The following FAM227B variants were observed in gnomAD, a reference collection of about 807,000 sequenced individuals.
The protein encoded by FAM227B is protein FAM227B.
FAM227B carries 88 observed loss-of-function variants against 73.8 expected under a neutral mutation model. The observed-to-expected ratio is 1.19, with a 90% CI of 1.00 to 1.42. FAM227B has a LOEUF of 1.42. Ranked by LOEUF, FAM227B falls within the 40% of genes most tolerant of loss-of-function variation. FAM227B has a pLI of 0.00. For synonymous variants in FAM227B, 210 were observed against 190.5 expected, an observed-to-expected ratio of 1.10 and a Z score of -0.84; for missense variants, 632 against 590.9, an observed-to-expected ratio of 1.07 and a Z score of -0.72.
chr15:49,500,775 G>A (rs2058071824), intron 11 of FAM227B, among the ~76,000 whole-genome samples: 1 of 152,170 alleles, frequency 6.6e-6, no homozygotes, highest in African/African-American at 2.4e-5. Context: ...GGGGCCTGGT[G>A]GGAGGTGGCT....
chr15:49,453,211 TTAATC>T (rs1451190969), intron 11 of FAM227B, among the ~76,000 whole-genome samples: 1 of 152,044 alleles, frequency 6.6e-6, no homozygotes, highest in East Asian at 1.9e-4. Context: ...TATGTTCTGT[TTAATC>T]TAATACGTCA....
At chr15:49,618,548 T>G (rs1403668852) in intron 1 of FAM227B, among the ~76,000 whole-genome samples, 1 of 152,218 alleles carries the variant, frequency 6.6e-6, no homozygotes, top group African/African-American at 2.4e-5. Flanking sequence ...TGAATGACAT[T>G]TACCTAGACA....
chr15:49,457,375 A>G (rs1321225328), intron 11 of FAM227B, among the ~76,000 whole-genome samples: 1 of 152,030 alleles, frequency 6.6e-6, no homozygotes, highest in Non-Finnish European at 1.5e-5. Flanking sequence ...GGGTTATGAG[A>G]GATAACTTTT....
chr15:49,351,183 A>G (rs928087063), intron 13 of FAM227B, among the ~76,000 whole-genome samples: 2 of 152,230 alleles, frequency 1.3e-5, no homozygotes, highest in African/African-American at 4.8e-5. Context: ...AGAACTGCAT[A>G]GGCACAGTGT....
intron 5 of FAM227B, among the ~76,000 whole-genome samples, chr15:49,584,719 C>G (rs576852886): frequency 6.6e-6 from 1 of 152,254 alleles, no homozygotes; most frequent in Non-Finnish European, 1.5e-5. Flanking sequence ...CAACAACACT[C>G]AAGCCAAGAG....
At chr15:49,422,773 A>T (rs1171019876) in intron 11 of FAM227B, 3 of 1,319,882 alleles carry the variant, frequency 2.3e-6, no homozygotes, top group East Asian at 5.0e-5. Context: ...TTGTCTCTGT[A>T]TGATGTGATA....
intron 12 of FAM227B, among the ~76,000 whole-genome samples, chr15:49,370,105 A>T (rs1349717266): frequency 1.3e-5 from 2 of 152,156 alleles, no homozygotes; most frequent in Non-Finnish European, 2.9e-5. Context: ...TTGATCTTGG[A>T]TTTCCCATAC....
At chr15:49,366,928 T>TA (rs1055132579) in intron 13 of FAM227B, among the ~76,000 whole-genome samples, 59 of 152,310 alleles carry the variant, frequency 3.9e-4, no homozygotes, top group African/African-American at 1.4e-3. Flanking sequence ...GATAGGACTG[T>TA]AAAAAACAGA....
At chr15:49,580,165 T>C (rs769553025) in intron 5 of FAM227B, among the ~76,000 whole-genome samples, 1 of 152,244 alleles carries the variant, frequency 6.6e-6, no homozygotes, top group Non-Finnish European at 1.5e-5. Context: ...TTAAAACTTT[T>C]GTTAGTATAA....
At chr15:49,339,344 T>C (rs1005129538) in intron 13 of FAM227B, among the ~76,000 whole-genome samples, 2 of 152,224 alleles carry the variant, frequency 1.3e-5, no homozygotes, top group Non-Finnish European at 2.9e-5. Flanking sequence ...TTGATGTTGA[T>C]ATTATTCCTT....
intron 9 of FAM227B, among the ~76,000 whole-genome samples, chr15:49,550,233 C>T (rs1375956695): frequency 4.4e-4 from 62 of 141,810 alleles, no homozygotes; most frequent in Non-Finnish European, 7.9e-4. Context: ...CCCTCCCTGA[C>T]GGGGCGGCTG....
rs1486651304 is a variant in FAM227B at position 49,367,762 on chromosome 15, A to G, written c.1111-154T>C. The G allele has an allele frequency of 1.0e-5, 7 of 683,020 alleles. No individual in the cohort carries two copies. In the African/African-American group the frequency reaches 1.3e-4, roughly 13 times the overall value. The allele number at this position is 683,020 out of a possible 1,614,324, so 42.3% of individuals were successfully genotyped here. A position where few individuals can be genotyped will look rare whatever the true frequency, so the allele number is the denominator to read the frequency against. ...AGCATCTTCTTAATTAGAGGAATTT[A>G]CCAAAGTATGAGTCTATAAGTACAT... On this transcript the variant is annotated intron_variant, in intron 12 of 15. Transcript: ENST00000299338.
chr15:49,572,733 C>T (rs1380767815), intron 8 of FAM227B, among the ~76,000 whole-genome samples: 2 of 152,078 alleles, frequency 1.3e-5, no homozygotes, highest in African/African-American at 2.4e-5. Context: ...TGGGAATAGG[C>T]ATTCCTCTTC....
chr15:49,425,078 T>C (rs1316345413), intron 11 of FAM227B: 1 of 152,192 alleles, frequency 6.6e-6, no homozygotes, highest in Non-Finnish European at 1.5e-5. Context: ...TCCTTTGCAA[T>C]TGTGTATAAT....
intron 10 of FAM227B, 134 bp from the exon 11 acceptor site, chr15:49,508,482 G>A: frequency 1.5e-6 from 1 of 660,054 alleles, no homozygotes; most frequent in Non-Finnish European, 2.4e-6. Context: ...TTCCTTTTAA[G>A]CTGCGTAGGA....
At chr15:49,386,016 C>T (rs1466302878) in intron 11 of FAM227B, among the ~76,000 whole-genome samples, 3 of 151,764 alleles carry the variant, frequency 2.0e-5, no homozygotes, top group African/African-American at 7.3e-5. Context: ...CACTATTAGA[C>T]CTAAGAAATG....
chr15:49,336,318 C>T (rs571322140), intron 13 of FAM227B, among the ~76,000 whole-genome samples: 1 of 152,242 alleles, frequency 6.6e-6, no homozygotes, highest in Non-Finnish European at 1.5e-5. Context: ...TATGTCCTAA[C>T]CTTGGCCTTA....
rs570121778 is a variant in FAM227B, at chr15:49,468,692, A to C, written c.1012+39519T>G. On this transcript the variant is annotated intron_variant, in intron 11 of 15. Transcript: ENST00000299338. ...GCCCCTTCAAAGTGAAAGTCAATAA[A>C]GAAATGTGGAGAAAGTGAACTCAAT... Among the ~76,000 whole-genome samples the C allele has an allele frequency of 8.8e-4, 134 of 152,304 alleles. 5 individuals are homozygous for C. In the South Asian group the frequency reaches 0.027, roughly 30 times the overall value.
chr15:49,425,224 T>C (rs1270782617), intron 11 of FAM227B: 3 of 151,638 alleles, frequency 2.0e-5, no homozygotes, highest in Non-Finnish European at 4.4e-5. Flanking sequence ...TTTTATGTCA[T>C]AAAAGTTCTG....
Sources: allele counts gnomAD v4.1 joint callset (sites outside exome capture counted in the v4.1 genomes callset), GRCh38; gene constraint gnomAD v4.1.1; transcripts MANE v1.5; gene names NCBI Gene and HGNC (gene_info 2026-07-23, HGNC 2026-07-21).